ZER1: variants seen among roughly 807,000 people sequenced by gnomAD.
ZER1 encodes protein zer-1 homolog.
A neutral mutation model predicts 78.8 loss-of-function variants in ZER1; 11 were observed. The ratio of observed to expected loss-of-function variants is 0.14; its 90% CI spans 0.09 to 0.23. ZER1 has a LOEUF of 0.23. ZER1 is among the 10% of genes least tolerant of loss of function. The pLI, the probability that ZER1 is intolerant of heterozygous loss-of-function variation, is 1.00. For missense variants in ZER1, 588 were observed against 996.9 expected, an observed-to-expected ratio of 0.59 and a Z score of 5.52; for synonymous variants, 400 against 407.0, an observed-to-expected ratio of 0.98 and a Z score of 0.21.
chr9:128,733,282 G>A, intron 15 of ZER1, 144 bp downstream of exon 15: 1 of 598,596 alleles, frequency 1.7e-6, no homozygotes. Context: ...GCCCCAGGTG[G>A]ACATCAATAC....
chr9:128,760,177 G>A (rs10739733), intron 1 of ZER1, among the ~76,000 whole-genome samples: 70,284 of 151,858 alleles, frequency 0.46, 16,652 homozygotes, highest in East Asian at 0.68. Flanking sequence ...ACTGTGCCTG[G>A]TCTCTCATGT....
Position 128,753,459 on chromosome 9 carries a change from C to T in ZER1, c.451G>A (p.Gly151Ser), listed in dbSNP as rs1480705300. The part of the protein sequence containing the change: ...NIFYEEENPG[G>S]CEDEYLVNPT... ...TTGACGAGGTACTCATCTTCACAGC[C>T]CCCTGGGTTCTCCTCCTCATAGAAA... is the stretch of plus-strand genomic sequence containing the variant. The change falls in exon 4 of 16, where the codon GGC becomes AGC. Residue 151 changes from glycine (G) to serine (S), a missense_variant. Gly to Ser is a moderately conservative substitution (Grantham distance 56). Coordinates refer to ENST00000291900, the MANE Select transcript of ZER1 (RefSeq NM_006336.4). The surrounding 1 kb of genome is among the most constrained non-coding windows in gnomAD (Gnocchi z 7.5). 2 of 1,614,180 alleles carry T rather than the reference C, an allele frequency of 1.2e-6. No individual in the cohort carries two copies. The highest frequency in any genetic ancestry group is 2.2e-5 in the South Asian group (2 of 91,082).
chr9:128,763,879 C>T (rs188482679), intron 1 of ZER1, among the ~76,000 whole-genome samples: 56 of 152,092 alleles, frequency 3.7e-4, no homozygotes, highest in East Asian at 3.7e-3. Flanking sequence ...CCCAGCTACT[C>T]GGGAGGCTGA....
intron 1 of ZER1, among the ~76,000 whole-genome samples, chr9:128,768,468 T>C (rs1864284141): frequency 6.6e-6 from 1 of 152,100 alleles, no homozygotes; most frequent in Non-Finnish European, 1.5e-5. Flanking sequence ...AATCTACAAA[T>C]AGGAAAACTG....
intron 1 of ZER1, among the ~76,000 whole-genome samples, chr9:128,770,125 T>C (rs1248578117): frequency 6.6e-6 from 1 of 152,022 alleles, no homozygotes; most frequent in Non-Finnish European, 1.5e-5. Context: ...CTCCCACTGT[T>C]TCTTTCTTTT....
At chr9:128,768,486 G>T (rs1864284681) in intron 1 of ZER1, among the ~76,000 whole-genome samples, 1 of 152,184 alleles carries the variant, frequency 6.6e-6, no homozygotes, top group South Asian at 2.1e-4. Context: ...CTGAGGCCCA[G>T]AGAGGAGATG....
rs1270215584 is a variant in ZER1 at position 128,735,767 on chromosome 9, T to G, written c.2043-336A>C. Among the ~76,000 whole-genome samples the G allele has an allele frequency of 2.6e-4, 29 of 111,368 alleles. 1 individual carries two copies. The highest frequency in any genetic ancestry group is 7.9e-4 in the African/African-American group (20 of 25,364). The allele number at this position is 111,368 out of a possible 152,430, so 73.1% of individuals were successfully genotyped here. A position where few individuals can be genotyped will look rare whatever the true frequency, so the allele number is the denominator to read the frequency against. The stretch of plus-strand genomic sequence containing the variant: ...CAGAAGCACGTGTGACCTGGTTTTT[T>G]TTTTTTTTTTTTTTTTTTTTTTTTT... On this transcript the variant is annotated intron_variant, in intron 13 of 15. Coordinates refer to ENST00000291900, the MANE Select transcript of ZER1 (RefSeq NM_006336.4).
intron 14 of ZER1, among the ~76,000 whole-genome samples, chr9:128,734,616 G>A (rs1366412769): frequency 6.6e-6 from 1 of 151,972 alleles, no homozygotes; most frequent in African/African-American, 2.4e-5. Context: ...TTACAGGTGT[G>A]AGCCACTATG....
chr9:128,736,672 CTT>C (rs777824240), intron 13 of ZER1, among the ~76,000 whole-genome samples: 64 of 129,124 alleles, frequency 5.0e-4, no homozygotes, highest in Admixed American at 7.7e-4. Context: ...CATGCCTGGC[CTT>C]TTTTTTTTTT....
chr9:128,767,377 C>T (rs1040259214), intron 1 of ZER1, among the ~76,000 whole-genome samples: 5 of 152,058 alleles, frequency 3.3e-5, no homozygotes, highest in African/African-American at 1.2e-4. Flanking sequence ...TCTGGAGTAG[C>T]TGTGACTACA....
chr9:128,750,386 G>T (rs1863634591), intron 8 of ZER1, among the ~76,000 whole-genome samples: 1 of 152,216 alleles, frequency 6.6e-6, no homozygotes, highest in Admixed American at 6.5e-5. Flanking sequence ...CAGGGAGAAG[G>T]GCAGGGTCCC....
intron 8 of ZER1, among the ~76,000 whole-genome samples, chr9:128,743,117 TTC>T (rs1863359947): frequency 6.6e-6 from 1 of 151,238 alleles, no homozygotes; most frequent in African/African-American, 2.4e-5. Context: ...GCTTTTCTTT[TTC>T]TTTCTTTTTT....
At chr9:128,743,178 AC>A (rs1863363643) in intron 8 of ZER1, among the ~76,000 whole-genome samples, 1 of 149,478 alleles carries the variant, frequency 6.7e-6, no homozygotes, top group Non-Finnish European at 1.5e-5. Context: ...AGTGCAGTGG[AC>A]CTATCTCGGC....
intron 8 of ZER1, among the ~76,000 whole-genome samples, chr9:128,749,311 A>C (rs1231845758): frequency 6.6e-6 from 1 of 151,898 alleles, no homozygotes; most frequent in Admixed American, 6.6e-5. Context: ...TGGGCGACAG[A>C]GTAAGACTCC....
At chr9:128,756,243 G>A (rs185061110) in intron 1 of ZER1, among the ~76,000 whole-genome samples, 21 of 152,294 alleles carry the variant, frequency 1.4e-4, no homozygotes, top group African/African-American at 5.1e-4. Context: ...GTCAGGAGAT[G>A]GAGACCATCC....
chr9:128,769,254 C>G (rs1864310262), intron 1 of ZER1, among the ~76,000 whole-genome samples: 1 of 152,234 alleles, frequency 6.6e-6, no homozygotes. Flanking sequence ...AAACGAACGG[C>G]TCTGAGGCAG....
chr9:128,747,734 C>T (rs925259478), intron 8 of ZER1, among the ~76,000 whole-genome samples: 5 of 152,108 alleles, frequency 3.3e-5, no homozygotes, highest in Admixed American at 1.3e-4. Flanking sequence ...CTGCCTTAGC[C>T]TCCGGAGTGG....
chr9:128,747,359 G>A (rs1448948217), intron 8 of ZER1, among the ~76,000 whole-genome samples: 1 of 151,886 alleles, frequency 6.6e-6, no homozygotes. Flanking sequence ...TTGGCCCTGG[G>A]GGCTGTTTCA....
Position 128,751,392 on chromosome 9 carries a change from C to T in ZER1, c.1038+21G>A. The T allele has an allele frequency of 3.7e-6, 6 of 1,614,060 alleles. No homozygotes were observed. The highest frequency in any genetic ancestry group is 4.2e-6 in the Non-Finnish European group (5 of 1,179,946). The stretch of plus-strand genomic sequence containing the variant: ...CTCCCAAGGCTCCCTGGCCCAGACC[C>T]ATCCCACTTCCACTGCTCACTTTGT... On this transcript the variant is annotated intron_variant, in intron 6 of 15. Coordinates refer to ENST00000291900, the MANE Select transcript of ZER1 (RefSeq NM_006336.4). This position sits in a 1 kb window ranked among gnomAD's most constrained non-coding sequence, Gnocchi z 5.4.
Sources: gnomAD v4.1 joint callset for allele counts (sites outside exome capture counted in the v4.1 genomes callset) on GRCh38, gnomAD v4.1.1 for gene constraint, Gnocchi (gnomAD v3.1) non-coding constraint, MANE v1.5 for transcripts, NCBI Gene and HGNC (gene_info 2026-07-23, HGNC 2026-07-21) for gene names.